The following ATP11A variants were observed in gnomAD, a reference collection of about 807,000 sequenced individuals.
ATP11A encodes the protein phospholipid-transporting ATPase IH.
In ATP11A, 81 loss-of-function variants were observed where a neutral mutation model predicts 154.4. That is an observed-to-expected ratio of 0.52 (90% CI 0.44 to 0.63). The LOEUF is 0.63. ATP11A is among the 30% of genes least tolerant of loss of function. ATP11A has a pLI of 0.00. For synonymous variants in ATP11A, 623 were observed against 585.9 expected, an observed-to-expected ratio of 1.06 and a Z score of -0.91; for missense variants, 1,316 against 1,474.3, an observed-to-expected ratio of 0.89 and a Z score of 1.76.
rs754738230 is a variant in ATP11A, at chr13:112,810,624, T to C, written c.339T>C (p.Tyr113=). Residue 113 remains tyrosine, a synonymous_variant, in exon 5 of 30, where the codon TAT becomes TAC. Coordinates refer to ENST00000375645, the MANE Select transcript of ATP11A (RefSeq NM_015205.3). Reference sequence around the variant, plus strand: ...TCTTTCCTTCCTTTTTTTAGGGTTATGAAGACTGGCTTCGACATAAAGCAG... The same window carrying C: ...TCTTTCCTTCCTTTTTTTAGGGTTACGAAGACTGGCTTCGACATAAAGCAG... ...VITVTAIKQG[Y]EDWLRHKADN... is the part of the protein sequence containing the mutation. 7 of 1,613,760 alleles carry C rather than the reference T, an allele frequency of 4.3e-6. No individual in the cohort carries two copies. The Admixed American group carries it at 1.2e-4, about 27-fold the overall frequency.
chr13:112,791,140 C>G (rs1484665890), intron 2 of ATP11A, among the ~76,000 whole-genome samples: 1 of 152,224 alleles, frequency 6.6e-6, no homozygotes, highest in Non-Finnish European at 1.5e-5. Flanking sequence ...CAGCCCAAAA[C>G]AAATCCCAAA....
At chr13:112,809,698 T>C (rs2078433782) in intron 4 of ATP11A, among the ~76,000 whole-genome samples, 1 of 152,184 alleles carries the variant, frequency 6.6e-6, no homozygotes, top group Admixed American at 6.5e-5. Context: ...GTGTGCAGTC[T>C]CTCACATGCT....
chr13:112,734,678 A>G (rs1194088388), intron 1 of ATP11A, among the ~76,000 whole-genome samples: 1 of 152,232 alleles, frequency 6.6e-6, no homozygotes, highest in Non-Finnish European at 1.5e-5. Flanking sequence ...CAAAGTGGAT[A>G]GCAATATGAA....
chr13:112,861,378 T>C (rs1015232317), intron 24 of ATP11A, among the ~76,000 whole-genome samples: 1 of 152,254 alleles, frequency 6.6e-6, no homozygotes, highest in African/African-American at 2.4e-5. Context: ...CCTGATCCCA[T>C]GTCCCTTAGT....
chr13:112,712,571 T>A (rs981238183), intron 1 of ATP11A, among the ~76,000 whole-genome samples: 1 of 152,120 alleles, frequency 6.6e-6, no homozygotes, highest in Non-Finnish European at 1.5e-5. Flanking sequence ...GGCTTTTCTC[T>A]CTACTGTGGG....
Position 112,884,520 on chromosome 13 carries a change from G to A in ATP11A, c.*2654G>A, listed in dbSNP as rs2140461446. The A allele has an allele frequency of 6.6e-6, 1 of 152,336 alleles. No homozygotes were observed. The highest frequency in any genetic ancestry group is 1.5e-5 in the Non-Finnish European group (1 of 68,024). The allele number at this position is 152,336 out of a possible 1,614,324, so 9.4% of individuals were successfully genotyped here. On this transcript the variant is annotated 3_prime_UTR_variant, in exon 30 of 30. Transcript: ENST00000375645. ...TAGACAAGGGGCACGAGATAAAAAAGAAAAGGATGAGAAGATCCTCAGTGA... is the reference window on the plus strand; with the variant it reads ...TAGACAAGGGGCACGAGATAAAAAAAAAAAGGATGAGAAGATCCTCAGTGA...
Position 112,768,563 on chromosome 13 carries a change from A to G in ATP11A, c.40-16572A>G, listed in dbSNP as rs191256996. Among the ~76,000 whole-genome samples, 5 of 152,370 alleles carry G rather than the reference A, an allele frequency of 3.3e-5. No homozygotes were observed. In the East Asian group the frequency reaches 9.6e-4, roughly 29 times the overall value. On this transcript the variant is annotated intron_variant, in intron 1 of 29. Transcript: ENST00000375645. ...TATTCAATATTTTGGAAATATGCCT[A>G]CAATGCATTCGTTGTCTCGGCCAGT...
chr13:112,719,177 G>A (rs563915761), intron 1 of ATP11A, among the ~76,000 whole-genome samples: 47 of 152,324 alleles, frequency 3.1e-4, no homozygotes, highest in African/African-American at 1.1e-3. Flanking sequence ...ACTTTGAATC[G>A]CGTCAAAGAC....
chr13:112,810,002 A>T (rs1566514213), intron 4 of ATP11A, among the ~76,000 whole-genome samples: 1 of 152,220 alleles, frequency 6.6e-6, no homozygotes, highest in South Asian at 2.1e-4. Flanking sequence ...CACGGGAGTC[A>T]CGATGGGATG....
Position 112,881,941 on chromosome 13 carries a change from A to C in ATP11A, c.*75A>C, listed in dbSNP as rs2080896697. On this transcript the variant is annotated 3_prime_UTR_variant, in exon 30 of 30. Transcript: ENST00000375645. ...ACAGCTCCCACTCTCAGCAGGTGAC[A>C]CTCGCGGCCTGGAAGGAGAAGGTGT... 2.2e-6 allele frequency: 3 copies of C among 1,367,590 alleles called. No individual in the cohort carries two copies. The highest frequency in any genetic ancestry group is 2.9e-6 in the Non-Finnish European group (3 of 1,021,940). The allele number at this position is 1,367,590 out of a possible 1,614,324, so 84.7% of individuals were successfully genotyped here.
chr13:112,829,949 C>G (rs1413687433), intron 12 of ATP11A, among the ~76,000 whole-genome samples: 2 of 151,970 alleles, frequency 1.3e-5, no homozygotes, highest in Non-Finnish European at 2.9e-5. Flanking sequence ...TTAATAGTAA[C>G]AAAGCAAACA....
At chr13:112,715,556 C>G (rs1391443379) in intron 1 of ATP11A, among the ~76,000 whole-genome samples, 2 of 70,084 alleles carry the variant, frequency 2.9e-5, no homozygotes, top group African/African-American at 4.1e-5. Context: ...CCCCCACCTG[C>G]CTGATCCTCC....
chr13:112,854,161 T>C (rs2079854377), intron 18 of ATP11A, 118 bp from the exon 19 acceptor site: 2 of 1,383,994 alleles, frequency 1.4e-6, no homozygotes, highest in Non-Finnish European at 2.0e-6. Context: ...TGTGGAGTGT[T>C]TTGATTTTGA....
intron 18 of ATP11A, among the ~76,000 whole-genome samples, chr13:112,853,792 T>G (rs967466902): frequency 6.6e-6 from 1 of 152,204 alleles, no homozygotes; most frequent in African/African-American, 2.4e-5. Context: ...CTCAGTATTT[T>G]ATATTATTTA....
At chr13:112,868,929 G>A (rs567423746) in intron 25 of ATP11A, among the ~76,000 whole-genome samples, 1 of 152,148 alleles carries the variant, frequency 6.6e-6, no homozygotes, top group East Asian at 1.9e-4. Context: ...GAGAGCAAAG[G>A]GGAAAATGCT....
intron 2 of ATP11A, among the ~76,000 whole-genome samples, chr13:112,796,709 GTCCTAACTAC>G (rs2078007450): frequency 6.6e-6 from 1 of 152,182 alleles, no homozygotes; most frequent in Admixed American, 6.5e-5. Flanking sequence ...TCATACACCT[GTCCTAACTAC>G]TTTGGGGATT....
chr13:112,759,403 T>C (rs959118138), intron 1 of ATP11A, among the ~76,000 whole-genome samples: 1 of 152,148 alleles, frequency 6.6e-6, no homozygotes, highest in African/African-American at 2.4e-5. Flanking sequence ...ACGGTGGGGG[T>C]TGCTCCCAAG....
intron 9 of ATP11A, among the ~76,000 whole-genome samples, 177 bp from the exon 10 acceptor site, chr13:112,824,167 G>A (rs888696175): frequency 2.0e-5 from 3 of 151,822 alleles, no homozygotes; most frequent in Non-Finnish European, 4.4e-5. Flanking sequence ...CATGAAGAAG[G>A]GTCTTTATCC....
At chr13:112,869,965 C>T (rs1434657837) in intron 25 of ATP11A, among the ~76,000 whole-genome samples, 1 of 152,236 alleles carries the variant, frequency 6.6e-6, no homozygotes, top group African/African-American at 2.4e-5. Context: ...GTGCACTCAG[C>T]AGCCCCTCCA....
Sources: gnomAD v4.1 joint callset for allele counts (sites outside exome capture counted in the v4.1 genomes callset) on GRCh38, gnomAD v4.1.1 for gene constraint, MANE v1.5 for transcripts, NCBI Gene and HGNC (gene_info 2026-07-23, HGNC 2026-07-21) for gene names.